SH3D19: variants seen among roughly 807,000 people sequenced by gnomAD.
SH3D19 encodes SH3 domain containing 19, also known as SH3 domain-containing protein 19.
A neutral mutation model predicts 112.1 loss-of-function variants in SH3D19; 58 were observed. The observed-to-expected ratio is 0.52, with a 90% confidence interval of 0.42 to 0.64. SH3D19 has a LOEUF of 0.64. SH3D19 is among the 30% of genes least tolerant of loss of function. The pLI, the probability that SH3D19 is intolerant of heterozygous loss-of-function variation, is 0.00. For synonymous variants in SH3D19, 391 were observed against 448.5 expected, an observed-to-expected ratio of 0.87 and a Z score of 1.62; for missense variants, 1,090 against 1,263.4, an observed-to-expected ratio of 0.86 and a Z score of 2.08.
chr4:151,127,780 T>A, intron 18 of SH3D19, 65 bp from the exon 19 acceptor site: 1 of 929,774 alleles, frequency 1.1e-6, no homozygotes, highest in Non-Finnish European at 1.6e-6. Context: ...ATCTAACATT[T>A]TTTAAAAAAA....
At chr4:151,272,144 A>G (rs1161756362) in intron 1 of SH3D19, among the ~76,000 whole-genome samples, 3 of 152,246 alleles carry the variant, frequency 2.0e-5, no homozygotes, top group Non-Finnish European at 4.4e-5. Flanking sequence ...ACTGAATAAA[A>G]AGGAAGAAAC....
rs1463155541 is a variant in SH3D19 at position 151,174,954 on chromosome 4, G to A, written c.1250C>T (p.Thr417Ile). Residue 417 changes from threonine (T) to isoleucine (I), a missense_variant, in exon 7 of 20, where the codon ACT becomes ATT. Coordinates refer to ENST00000604030, the MANE Select transcript of SH3D19 (RefSeq NM_001378122.1). ...CAGCAGCAAAGGCCGCGGGGCAGGA[G>A]TTGGCACTTTCTTCCCACTATCAGA... ...ESSDSGKKVP[T>I]PAPRPLLLKK... 22 of 1,614,048 alleles carry A rather than the reference G, an allele frequency of 1.4e-5. No homozygotes were observed. The highest frequency in any genetic ancestry group is 1.9e-5 in the Non-Finnish European group (22 of 1,180,000).
intron 1 of SH3D19, among the ~76,000 whole-genome samples, chr4:151,229,755 G>A (rs964191846): frequency 3.3e-5 from 5 of 152,026 alleles, no homozygotes; most frequent in African/African-American, 1.2e-4. Context: ...TCTACCAAAA[G>A]TACAAAAAAA....
At chr4:151,148,307 T>C in intron 10 of SH3D19, 121 bp from the exon 11 acceptor site, 1 of 1,032,288 alleles carries the variant, frequency 9.7e-7, no homozygotes, top group Non-Finnish European at 1.4e-6. Context: ...AGCTTTCTGC[T>C]AGTGGAATAC....
At chr4:151,280,168 T>C (rs1409780376) in intron 1 of SH3D19, among the ~76,000 whole-genome samples, 3 of 69,568 alleles carry the variant, frequency 4.3e-5, no homozygotes, top group Non-Finnish European at 1.3e-4. Flanking sequence ...ATTAAAGACT[T>C]TTCTTATTTT....
intron 10 of SH3D19, among the ~76,000 whole-genome samples, chr4:151,148,670 A>G (rs929570603): frequency 2.6e-5 from 4 of 152,216 alleles, no homozygotes; most frequent in Non-Finnish European, 5.9e-5. Context: ...TCTAATTTAG[A>G]TTAATACAAA....
intron 1 of SH3D19, among the ~76,000 whole-genome samples, chr4:151,251,761 G>A (rs549618849): frequency 6.6e-6 from 1 of 152,034 alleles, no homozygotes; most frequent in East Asian, 1.9e-4. Context: ...CCATGTTGCT[G>A]AGCAGCACTG....
At chr4:151,189,386 TA>T (rs1306133812) in intron 2 of SH3D19, among the ~76,000 whole-genome samples, 2 of 152,182 alleles carry the variant, frequency 1.3e-5, no homozygotes, top group Non-Finnish European at 2.9e-5. Context: ...GTGCTGGGAT[TA>T]CAGGTGTGAG....
chr4:151,194,888 C>G (rs1292288949), intron 2 of SH3D19, among the ~76,000 whole-genome samples: 2 of 150,116 alleles, frequency 1.3e-5, no homozygotes, highest in Non-Finnish European at 3.0e-5. Context: ...GAGTTCGAGA[C>G]CAGCCTAGCC....
chr4:151,124,354 A>T (rs1579594738), intron 19 of SH3D19, among the ~76,000 whole-genome samples: 2 of 151,724 alleles, frequency 1.3e-5, no homozygotes, highest in Admixed American at 1.3e-4. Context: ...TGATCCACTC[A>T]CCTTGGCCTC....
At chr4:151,275,848 A>AT (rs370367821) in intron 1 of SH3D19, among the ~76,000 whole-genome samples, 113 of 135,262 alleles carry the variant, frequency 8.4e-4, no homozygotes, top group African/African-American at 3.1e-3. Context: ...TATTATTATT[A>AT]TTTTTTTTTT....
chr4:151,144,082 T>C (rs1753491819), intron 11 of SH3D19, 32 bp from the exon 12 acceptor site: 1 of 1,593,540 alleles, frequency 6.3e-7, no homozygotes, highest in African/African-American at 1.4e-5. Flanking sequence ...TCTGAAGCAA[T>C]TATTATTTAA....
chr4:151,203,057 C>T (rs1764617543), intron 2 of SH3D19, among the ~76,000 whole-genome samples: 2 of 152,122 alleles, frequency 1.3e-5, no homozygotes, highest in African/African-American at 2.4e-5. Flanking sequence ...AGAAATGTGA[C>T]TGTTGGTGGT....
At position 151,145,595 on chromosome 4, in the gene SH3D19, C is replaced by T. The variant is rs547873642; in HGVS notation, c.2083-1545G>A. On this transcript the variant is annotated intron_variant, in intron 11 of 19. Transcript: ENST00000604030. ...TCCTTTTTTGGAATGAGCCCGCCTG[C>T]ACCCAGGTGAAATAAACAGCCTTGT... Among the ~76,000 whole-genome samples, 3 of 152,354 alleles carry T rather than the reference C, an allele frequency of 2.0e-5. No individual in the cohort carries two copies. In the South Asian group the frequency reaches 6.2e-4, roughly 32 times the overall value.
intron 19 of SH3D19, 96 bp downstream of exon 19, chr4:151,127,522 A>G: frequency 1.5e-6 from 1 of 683,288 alleles, no homozygotes; most frequent in East Asian, 3.0e-5. Context: ...TTCTTGAGTA[A>G]TGATTAATAT....
intron 1 of SH3D19, among the ~76,000 whole-genome samples, chr4:151,269,292 G>GT (rs1225696623): frequency 5.3e-5 from 8 of 151,676 alleles, no homozygotes; most frequent in East Asian, 3.9e-4. Context: ...GGGGTTGTTT[G>GT]TTTTTTTTCT....
chr4:151,163,802 C>T (rs937202288), intron 8 of SH3D19, among the ~76,000 whole-genome samples: 4 of 151,958 alleles, frequency 2.6e-5, no homozygotes, highest in Non-Finnish European at 4.4e-5. Flanking sequence ...AGGCTGGTCT[C>T]GAACTCCTGA....
rs538310235 is a variant in SH3D19, at chr4:151,298,247, G to A, written c.112+26994C>T. 1.0e-3 allele frequency among the ~76,000 whole-genome samples: 142 copies of A among 135,562 alleles called. 1 individual carries two copies. Among genetic ancestry groups the A allele is most frequent in the African/African-American group, 3.9e-3 (138 of 35,476 alleles). The allele number at this position is 135,562 out of a possible 152,430, so 88.9% of individuals were successfully genotyped here. ...CTGTCACCAGGCTGGAGTGTAGCTCGGCACACTGCAACCTCCGCCTCCCAG... is the reference window on the plus strand; with the variant it reads ...CTGTCACCAGGCTGGAGTGTAGCTCAGCACACTGCAACCTCCGCCTCCCAG... On this transcript the variant is annotated intron_variant, in intron 1 of 19. Transcript: ENST00000604030.
intron 1 of SH3D19, among the ~76,000 whole-genome samples, chr4:151,289,550 CAAA>C (rs1775129133): frequency 6.6e-6 from 1 of 152,122 alleles, no homozygotes; most frequent in Admixed American, 6.5e-5. Context: ...TTTAAAAGAG[CAAA>C]GCATCTGAAT....
Sources: allele counts gnomAD v4.1 joint callset (sites outside exome capture counted in the v4.1 genomes callset), GRCh38; gene constraint gnomAD v4.1.1; transcripts MANE v1.5; gene names NCBI Gene and HGNC (gene_info 2026-07-23, HGNC 2026-07-21).